The following LIN54 variants were observed in gnomAD, a reference collection of about 807,000 sequenced individuals.
LIN54 encodes protein lin-54 homolog.
Under a neutral mutation model 78.7 loss-of-function variants are expected in LIN54, and 9 were observed. The ratio of observed to expected loss-of-function variants is 0.11; its 90% CI spans 0.07 to 0.20. The LOEUF is 0.20. LIN54 is among the 10% of genes least tolerant of loss of function. The pLI is 1.00. For missense variants in LIN54, 573 were observed against 889.9 expected (o/e 0.64, Z 4.53); for synonymous variants, 269 against 318.4 (o/e 0.84, Z 1.65).
chr4:82,928,415 G>A, intron 12 of LIN54, 112 bp from the exon 13 acceptor site: 2 of 838,050 alleles, frequency 2.4e-6, no homozygotes, highest in East Asian at 5.2e-5. Context: ...TCACCAGCAG[G>A]ATGAGCATCA....
intron 3 of LIN54, among the ~76,000 whole-genome samples, chr4:82,974,206 T>C (rs571850418): frequency 3.3e-5 from 5 of 149,262 alleles, no homozygotes; most frequent in African/African-American, 4.9e-5. Flanking sequence ...CAAAACTCCC[T>C]CTCAAAAAAA....
chr4:82,939,665 C>T lies in LIN54; in HGVS notation c.1314G>A (p.Met438Ile). 1 of 1,613,958 alleles carries T rather than the reference C, an allele frequency of 6.2e-7. No homozygotes were observed. Among genetic ancestry groups the T allele is most frequent in the Non-Finnish European group, 8.5e-7 (1 of 1,179,848 alleles). ...GGATCTGTGGCAGTGGTGTGGCAGG[C>T]ATGATAAGCCGTTGCTGTGGCTGGC... ...TTSQPQQRLIMPATPLPQIQP... is the reference protein window; with the variant it reads ...TTSQPQQRLIIPATPLPQIQP... Residue 438 changes from methionine (M) to isoleucine (I), a missense_variant, in exon 7 of 13, where the codon ATG becomes ATA. By Grantham distance (10) the Met-to-Ile change is conservative (BLOSUM62 1). This residue lies in a region of LIN54 where 101 missense variants were observed against 194.2 expected (regional missense o/e 0.52). Transcript: ENST00000340417.
rs1159176957 is a variant in LIN54, at chr4:82,927,924, G to T, written c.*178C>A. 1.7e-6 allele frequency: 1 copy of T among 590,046 alleles called. No individual in the cohort carries two copies. The highest frequency in any genetic ancestry group is 3.0e-5 in the Admixed American group (1 of 33,100). The allele number at this position is 590,046 out of a possible 1,614,324, so 36.6% of individuals were successfully genotyped here. On this transcript the variant is annotated 3_prime_UTR_variant, in exon 13 of 13. Coordinates refer to ENST00000340417, the MANE Select transcript of LIN54 (RefSeq NM_194282.4). ...AAGGGGCATAAGCAGATTTAACTAA[G>T]ATTTAAAATGTACTAATTTCCTCAT...
At chr4:82,985,118 CA>C (rs1727010383) in intron 1 of LIN54, among the ~76,000 whole-genome samples, 1 of 152,144 alleles carries the variant, frequency 6.6e-6, no homozygotes, top group South Asian at 2.1e-4. Flanking sequence ...CGTCTCAATC[CA>C]CAAGTATCTT....
intron 5 of LIN54, among the ~76,000 whole-genome samples, chr4:82,942,274 G>A (rs1253599517): frequency 1.3e-5 from 2 of 152,116 alleles, no homozygotes; most frequent in East Asian, 3.8e-4. Context: ...GACAAACTAG[G>A]GTGAAGGAGG....
At chr4:82,983,304 C>A (rs1012840938) in intron 2 of LIN54, among the ~76,000 whole-genome samples, 1 of 152,056 alleles carries the variant, frequency 6.6e-6, no homozygotes. Flanking sequence ...TAAGCCACCA[C>A]GCCCCGCCGA....
At chr4:82,953,518 C>G (rs1214303941) in intron 4 of LIN54, among the ~76,000 whole-genome samples, 1 of 152,074 alleles carries the variant, frequency 6.6e-6, no homozygotes, top group Admixed American at 6.6e-5. Flanking sequence ...ATCACAGCTA[C>G]TTGGGAGGCT....
intron 4 of LIN54, among the ~76,000 whole-genome samples, chr4:82,960,938 T>C (rs1724740880): frequency 6.6e-6 from 1 of 152,170 alleles, no homozygotes; most frequent in East Asian, 1.9e-4. Flanking sequence ...CATGTGCGTG[T>C]ATTCCCAGCT....
At chr4:82,963,461 C>A (rs1724963402) in intron 4 of LIN54, among the ~76,000 whole-genome samples, 1 of 152,090 alleles carries the variant, frequency 6.6e-6, no homozygotes, top group South Asian at 2.1e-4. Context: ...TTCTTATTTT[C>A]AATTGCTTCA....
chr4:82,988,987 G>C (rs191965031), intron 1 of LIN54, among the ~76,000 whole-genome samples: 75 of 152,164 alleles, frequency 4.9e-4, no homozygotes, highest in African/African-American at 1.8e-3. Flanking sequence ...AGGAGATCGA[G>C]ACCATCCTGT....
intron 2 of LIN54, among the ~76,000 whole-genome samples, chr4:82,979,572 A>G (rs1726452320): frequency 6.6e-6 from 1 of 152,188 alleles, no homozygotes; most frequent in African/African-American, 2.4e-5. Context: ...GGTAGAACAG[A>G]AACTATTATA....
intron 3 of LIN54, 54 bp from the exon 4 acceptor site, chr4:82,970,523 A>C (rs770426008): frequency 3.3e-5 from 49 of 1,499,180 alleles, no homozygotes; most frequent in Non-Finnish European, 4.2e-5. Flanking sequence ...TAGTATAAAA[A>C]TTTATGTGAT....
intron 7 of LIN54, among the ~76,000 whole-genome samples, chr4:82,938,825 A>C (rs186585769): frequency 6.6e-6 from 1 of 152,256 alleles, no homozygotes; most frequent in African/African-American, 2.4e-5. Flanking sequence ...GGCTAGAAAA[A>C]TGCAATGTGC....
chr4:82,944,417 C>A (rs1723187371), intron 5 of LIN54, among the ~76,000 whole-genome samples: 1 of 152,160 alleles, frequency 6.6e-6, no homozygotes, highest in African/African-American at 2.4e-5. Flanking sequence ...TAGCACTTCT[C>A]TCAGTACCCT....
At chr4:82,936,238 C>A in intron 10 of LIN54, 41 bp downstream of exon 10, 1 of 1,513,550 alleles carries the variant, frequency 6.6e-7, no homozygotes, top group Middle Eastern at 1.7e-4. Context: ...ACTGATGAAA[C>A]TGGATATTTC....
intron 1 of LIN54, among the ~76,000 whole-genome samples, chr4:82,993,284 T>C (rs915180785): frequency 1.6e-4 from 24 of 146,386 alleles, no homozygotes; most frequent in Non-Finnish European, 3.3e-4. Flanking sequence ...TGGTGCAATC[T>C]TGGCTCACTG....
At chr4:82,949,725 C>T (rs1279248532) in intron 4 of LIN54, among the ~76,000 whole-genome samples, 1 of 152,038 alleles carries the variant, frequency 6.6e-6, no homozygotes, top group Non-Finnish European at 1.5e-5. Context: ...TAGATTTTAA[C>T]CTCTTATCAG....
At chr4:82,966,713 G>A (rs550451361) in intron 4 of LIN54, among the ~76,000 whole-genome samples, 6 of 151,894 alleles carry the variant, frequency 4.0e-5, no homozygotes, top group Admixed American at 2.0e-4. Context: ...CCGCCTCCCC[G>A]GTTCAAGCAA....
chr4:82,928,111 C>G lies in LIN54; in HGVS notation c.2241G>C (p.Met747Ile). The G allele has an allele frequency of 6.2e-7, 1 of 1,614,056 alleles. No individual in the cohort carries two copies. The change falls in exon 13 of 13, where the codon ATG (methionine) becomes ATC (isoleucine). Residue 747 changes from methionine (M) to isoleucine (I), a missense_variant. Transcript: ENST00000340417. The part of the protein sequence containing the change: ...AGKAKSDPCA[M>I]NC ...GTCTTTTGTGCAAGAGTTAGCAATT[C>G]ATGGCACAAGGGTCACTTTTTGCCT...
Sources: allele counts gnomAD v4.1 joint callset (sites outside exome capture counted in the v4.1 genomes callset), GRCh38; gene constraint gnomAD v4.1.1; regional missense constraint gnomAD v4.1.1; transcripts MANE v1.5; gene names NCBI Gene and HGNC (gene_info 2026-07-23, HGNC 2026-07-21).